The following DGCR2 variants were observed in gnomAD, a reference collection of about 807,000 sequenced individuals.
DGCR2 encodes the protein DiGeorge syndrome critical region gene 2.
Under a neutral mutation model 51.6 loss-of-function variants are expected in DGCR2, and 24 were observed. That is an observed-to-expected ratio of 0.47 (90% confidence interval 0.34 to 0.65). DGCR2 has a LOEUF of 0.65. Ranked by LOEUF, DGCR2 falls within the 30% of genes least tolerant of loss-of-function variation. The pLI is 0.01. For missense variants in DGCR2, 765 were observed against 772.1 expected, an observed-to-expected ratio of 0.99 and a Z score of 0.11; for synonymous variants, 340 against 315.4, an observed-to-expected ratio of 1.08 and a Z score of -0.82.
intron 6 of DGCR2, among the ~76,000 whole-genome samples, chr22:19,049,953 G>T (rs549416213): frequency 6.6e-6 from 1 of 151,488 alleles, no homozygotes; most frequent in Non-Finnish European, 1.5e-5. Flanking sequence ...GAACAGAAAT[G>T]AACAGAGCTC....
chr22:19,056,904 T>C, intron 6 of DGCR2, 82 bp downstream of exon 6: 1 of 1,437,354 alleles, frequency 7.0e-7, no homozygotes, highest in Non-Finnish European at 9.3e-7. Flanking sequence ...AGGTTCTGCC[T>C]CCGAAACCTT....
At position 19,069,083 on chromosome 22, in the gene DGCR2, G is replaced by A. The variant is rs186976363; in HGVS notation, c.203-858C>T. Among the ~76,000 whole-genome samples, 6 of 152,372 alleles carry A rather than the reference G, an allele frequency of 3.9e-5. No homozygotes were observed. In the East Asian group the frequency reaches 1.2e-3, roughly 29 times the overall value. The stretch of plus-strand genomic sequence containing the variant: ...CCCGCTCACCTCCCACTCTGTACAG[G>A]TGTACCCTGATGTGTCATGAAGGGC... On this transcript the variant is annotated intron_variant, in intron 2 of 9. Transcript: ENST00000263196.
In DGCR2 at chr22:19,041,075, A is replaced by C; in HGVS notation, c.1379T>G (p.Val460Gly). 1 of 1,606,384 alleles carries C rather than the reference A, an allele frequency of 6.2e-7. No individual in the cohort carries two copies. Among genetic ancestry groups the C allele is most frequent in the Non-Finnish European group, 8.5e-7 (1 of 1,175,096 alleles). ...TCAGGCACCTGCAGGGTCATAGAAC[A>C]CACTGTCCGGGTGGATGGAGGCCTC... ...PYEASIHPDSVFYDPADDDAF... is the reference protein window; with the variant it reads ...PYEASIHPDSGFYDPADDDAF... The change falls in exon 9 of 10, where the codon GTG becomes GGG. Residue 460 changes from valine (V) to glycine (G), a missense_variant. By Grantham distance (109) the Val-to-Gly change is moderately radical (BLOSUM62 -3). Around this residue, in one of 3 missense-constraint regions of DGCR2, gnomAD observed 205 missense variants for 181.4 expected, o/e 1.13. Coordinates refer to ENST00000263196, the MANE Select transcript of DGCR2 (RefSeq NM_005137.3).
chr22:19,074,201 G>A (rs552542771), intron 2 of DGCR2, among the ~76,000 whole-genome samples: 9 of 152,206 alleles, frequency 5.9e-5, no homozygotes, highest in South Asian at 4.2e-4. Flanking sequence ...CGAGGCAGGC[G>A]ATCGCTTAAG....
At chr22:19,046,906 T>TA (rs571899683) in intron 7 of DGCR2, 1 of 168,694 alleles carries the variant, frequency 5.9e-6, no homozygotes, top group South Asian at 1.0e-4. Context: ...TGGGCATTCT[T>TA]ACAAAGCTTG....
intron 5 of DGCR2, chr22:19,061,865 C>T (rs1446710363): frequency 6.6e-6 from 1 of 152,184 alleles, no homozygotes; most frequent in Non-Finnish European, 1.5e-5. Context: ...GCTGCCAGCA[C>T]CAACATACGT....
rs1369628882 is a variant in DGCR2 at position 19,089,876 on chromosome 22, T to C, written c.80-386A>G. Among the ~76,000 whole-genome samples the C allele has an allele frequency of 2.0e-5, 3 of 152,246 alleles. No homozygotes were observed. The East Asian group carries it at 5.8e-4, about 29-fold the overall frequency. ...GATTACAGGCATGTACCACTGTGCC[T>C]GGCCCCCATCTGTTTTTAAAATCAG... On this transcript the variant is annotated intron_variant, in intron 1 of 9. Coordinates refer to ENST00000263196, the MANE Select transcript of DGCR2 (RefSeq NM_005137.3).
intron 1 of DGCR2, among the ~76,000 whole-genome samples, chr22:19,099,342 G>A (rs576178248): frequency 6.6e-6 from 1 of 152,320 alleles, no homozygotes; most frequent in East Asian, 1.9e-4. Context: ...CACTTTGGGA[G>A]GCCAAGGCAG....
chr22:19,081,675 T>C (rs1165838361), intron 2 of DGCR2, among the ~76,000 whole-genome samples: 1 of 152,196 alleles, frequency 6.6e-6, no homozygotes, highest in Admixed American at 6.5e-5. Flanking sequence ...TCTGCAAGGA[T>C]TTTTCCAGAG....
chr22:19,063,299 G>C (rs748679434), intron 4 of DGCR2, 21 bp from the exon 5 acceptor site: 6 of 1,611,338 alleles, frequency 3.7e-6, no homozygotes, highest in South Asian at 1.1e-5. Context: ...CAGAGACAGA[G>C]ACAGAGATCT....
chr22:19,066,752 C>T (rs536714757), intron 3 of DGCR2, among the ~76,000 whole-genome samples: 2 of 152,298 alleles, frequency 1.3e-5, no homozygotes, highest in South Asian at 2.1e-4. Flanking sequence ...ACTGACTCAT[C>T]TTCTTTATGT....
At position 19,104,157 on chromosome 22, in the gene DGCR2, G is replaced by C. The variant is rs574315705; in HGVS notation, c.80-14667C>G. ...TTGTGAGGATGAGAGAAAGGCAAAT[G>C]ACACCTCAGTATTATCATGAAAACA... On this transcript the variant is annotated intron_variant, in intron 1 of 9. Transcript: ENST00000263196. 2.4e-4 allele frequency among the ~76,000 whole-genome samples: 37 copies of C among 152,198 alleles called. 1 individual carries two copies. The South Asian group carries it at 6.4e-3, about 26-fold the overall frequency.
chr22:19,046,132 A>ATATCAGG (rs1428385397), intron 7 of DGCR2: 18 of 152,174 alleles, frequency 1.2e-4, no homozygotes, highest in African/African-American at 4.3e-4. Context: ...TAACCTCCTA[A>ATATCAGG]TGATATTGAG....
chr22:19,065,159 A>G (rs971414016), intron 3 of DGCR2, 92 bp from the exon 4 acceptor site: 2 of 1,111,680 alleles, frequency 1.8e-6, no homozygotes, highest in Non-Finnish European at 2.6e-6. Flanking sequence ...CACACCTTGT[A>G]AATCACCCTA....
rs770807408 is a variant in DGCR2 at position 19,039,023 on chromosome 22, T to G, written c.1495A>C (p.Thr499Pro). 3.7e-6 allele frequency: 6 copies of G among 1,612,714 alleles called. No individual in the cohort carries two copies. Among genetic ancestry groups the G allele is most frequent in the South Asian group, 2.2e-5 (2 of 91,060 alleles). Residue 499 changes from threonine to proline, a missense_variant, in exon 10 of 10, where the codon ACT becomes CCT. Thr to Pro is a conservative substitution (Grantham distance 38). Coordinates refer to ENST00000263196, the MANE Select transcript of DGCR2 (RefSeq NM_005137.3). ...AGGTCTGCCAGAGAGGCCCCCGCAG[T>G]GGGCAGAGGCTGCTCCAGGCGCCGG... ...LLRRLEQPLP[T>P]AGASLADLED...
intron 1 of DGCR2, among the ~76,000 whole-genome samples, chr22:19,116,081 T>C (rs1244825576): frequency 6.6e-6 from 1 of 152,170 alleles, no homozygotes; most frequent in Non-Finnish European, 1.5e-5. Context: ...AACTGAAGAG[T>C]GAGCAGTAGA....
chr22:19,085,116 A>C (rs1382443514), intron 2 of DGCR2, among the ~76,000 whole-genome samples: 2 of 151,854 alleles, frequency 1.3e-5, no homozygotes, highest in Non-Finnish European at 2.9e-5. Context: ...AAAAAAAAAA[A>C]AAAACAAAGA....
chr22:19,080,383 G>A (rs1403159718), intron 2 of DGCR2, among the ~76,000 whole-genome samples: 1 of 152,148 alleles, frequency 6.6e-6, no homozygotes, highest in East Asian at 1.9e-4. Flanking sequence ...TACTATTACT[G>A]CAACATGGAA....
In DGCR2 at chr22:19,039,046, C is replaced by T. The variant is rs150816482; in HGVS notation, c.1472G>A (p.Arg491Gln). ...AGTGGGCAGAGGCTGCTCCAGGCGC[C>T]GGAGTAATGCACCTTCACTCCCACC... is the stretch of plus-strand genomic sequence containing the variant. ...GDGGSEGALL[R>Q]RLEQPLPTAG... Residue 491 changes from arginine to glutamine, a missense_variant, in exon 10 of 10, where the codon CGG becomes CAG. Arg to Gln is a conservative substitution (Grantham distance 43). Around this residue, in one of 3 missense-constraint regions of DGCR2, gnomAD observed 205 missense variants for 181.4 expected, o/e 1.13. Transcript: ENST00000263196. 178 of 1,612,962 alleles carry T rather than the reference C, an allele frequency of 1.1e-4. 1 individual carries two copies. The highest frequency in any genetic ancestry group is 3.0e-5 in the Non-Finnish European group (35 of 1,179,950).
Sources: gnomAD v4.1 joint callset for allele counts (sites outside exome capture counted in the v4.1 genomes callset) on GRCh38, gnomAD v4.1.1 for gene constraint, gnomAD v4.1.1 regional missense constraint, MANE v1.5 for transcripts, NCBI Gene and HGNC (gene_info 2026-07-23, HGNC 2026-07-21) for gene names.